Variants in PLA2R1 observed in about 807,000 individuals in gnomAD.
PLA2R1 encodes phospholipase A2 receptor 1, also known as secretory phospholipase A2 receptor.
A neutral mutation model predicts 195.9 loss-of-function variants in PLA2R1; 158 were observed. The ratio of observed to expected loss-of-function variants is 0.81; its 90% confidence interval spans 0.71 to 0.92. PLA2R1 has a LOEUF of 0.92. Among genes scored for constraint, PLA2R1 ranks in the 40% least tolerant of loss-of-function variants. The pLI is 0.00. For synonymous variants in PLA2R1, 586 were observed against 598.2 expected (o/e 0.98, Z 0.30); for missense variants, 1,626 against 1,764.6 (o/e 0.92, Z 1.41).
chr2:160,013,966 G>A (rs1375202510), intron 9 of PLA2R1, among the ~76,000 whole-genome samples: 1 of 152,134 alleles, frequency 6.6e-6, no homozygotes, highest in African/African-American at 2.4e-5. Context: ...AATACAGATA[G>A]AGATTTTAGA....
At position 159,946,898 on chromosome 2, in the gene PLA2R1, G is replaced by A; in HGVS notation, c.3870C>T (p.Ile1290=). The A allele has an allele frequency of 1.2e-6, 2 of 1,607,338 alleles. No homozygotes were observed. Among genetic ancestry groups the A allele is most frequent in the Non-Finnish European group, 1.7e-6 (2 of 1,176,132 alleles). ...CKKEGSNLLT[I]KDEAENAFLL... is the part of the protein sequence containing the mutation. ...GAAATGCATTTTCAGCCTCATCCTT[G>A]ATTGTTAAAAGATTAGAACCTATAA... The change falls in exon 27 of 30, where the codon ATC becomes ATT. Residue 1290 remains isoleucine, a synonymous_variant. Coordinates refer to ENST00000283243, the MANE Select transcript of PLA2R1 (RefSeq NM_007366.5).
At chr2:160,032,248 T>C (rs1693900201) in intron 4 of PLA2R1, among the ~76,000 whole-genome samples, 2 of 152,202 alleles carry the variant, frequency 1.3e-5, no homozygotes, top group Non-Finnish European at 2.9e-5. Context: ...ATGGACTACA[T>C]ATGCAATAAA....
chr2:160,058,066 G>A (rs1201526861), intron 1 of PLA2R1, among the ~76,000 whole-genome samples: 1 of 151,802 alleles, frequency 6.6e-6, no homozygotes, highest in Non-Finnish European at 1.5e-5. Flanking sequence ...TTCCCTCTCT[G>A]GTCTCATGTC....
At chr2:159,989,350 G>A (rs1264272285) in intron 11 of PLA2R1, among the ~76,000 whole-genome samples, 1 of 152,214 alleles carries the variant, frequency 6.6e-6, no homozygotes, top group Non-Finnish European at 1.5e-5. Context: ...CTGAACTGGA[G>A]AAATCCATGT....
intron 10 of PLA2R1, among the ~76,000 whole-genome samples, chr2:160,006,431 A>G (rs147275242): frequency 6.6e-6 from 1 of 152,332 alleles, no homozygotes; most frequent in African/African-American, 2.4e-5. Flanking sequence ...AAAATGTGAA[A>G]GCCTAGGAAC....
At chr2:160,056,434 T>G (rs1322665984) in intron 1 of PLA2R1, among the ~76,000 whole-genome samples, 1 of 152,156 alleles carries the variant, frequency 6.6e-6, no homozygotes, top group East Asian at 1.9e-4. Flanking sequence ...TCTTCTTCAC[T>G]TTGGTGACCA....
chr2:160,045,271 C>A, intron 1 of PLA2R1, 114 bp from the exon 2 acceptor site: 1 of 786,714 alleles, frequency 1.3e-6, no homozygotes, highest in East Asian at 2.6e-5. Context: ...AGCCATTTCC[C>A]ACAGATCTGG....
chr2:160,038,278 A>G (rs1004142699), intron 3 of PLA2R1, among the ~76,000 whole-genome samples: 3 of 152,230 alleles, frequency 2.0e-5, no homozygotes, highest in Non-Finnish European at 4.4e-5. Flanking sequence ...CCAGCAAAGA[A>G]GCACCCAGGG....
intron 1 of PLA2R1, among the ~76,000 whole-genome samples, chr2:160,051,204 G>C (rs1695191373): frequency 6.6e-6 from 1 of 152,210 alleles, no homozygotes; most frequent in African/African-American, 2.4e-5. Context: ...GTCAGTCTCT[G>C]TGCTGCTCCA....
At position 159,940,354 on chromosome 2, in the gene PLA2R1, T is replaced by C. The variant is rs1203302858; in HGVS notation, c.*1424A>G. 2 of 152,240 alleles carry C rather than the reference T, an allele frequency of 1.3e-5. No homozygotes were observed. The highest frequency in any genetic ancestry group is 1.3e-4 in the Admixed American group (2 of 15,282). The allele number at this position is 152,240 out of a possible 1,614,324, so 9.4% of individuals were successfully genotyped here. ...TTAGAAAATAAGTGGCATGAAAAGA[T>C]AGCCCTTACCCCAAGTTGCTCACCT... On this transcript the variant is annotated 3_prime_UTR_variant, in exon 30 of 30. Transcript: ENST00000283243.
At chr2:160,041,482 T>C (rs1309484574) in intron 3 of PLA2R1, among the ~76,000 whole-genome samples, 2 of 152,164 alleles carry the variant, frequency 1.3e-5, no homozygotes, top group Non-Finnish European at 2.9e-5. Flanking sequence ...AATGAGGTTA[T>C]AGCCAGAAGG....
At chr2:160,004,105 A>G (rs945886093) in intron 11 of PLA2R1, among the ~76,000 whole-genome samples, 2 of 152,232 alleles carry the variant, frequency 1.3e-5, no homozygotes, top group African/African-American at 4.8e-5. Context: ...AAATGTATTG[A>G]TGTTGGGAAG....
chr2:159,963,170 T>C (rs1226043834), intron 20 of PLA2R1, among the ~76,000 whole-genome samples: 1 of 152,206 alleles, frequency 6.6e-6, no homozygotes, highest in East Asian at 1.9e-4. Context: ...GCCTGTTCCC[T>C]AGAGACCATG....
chr2:159,986,934 C>G (rs908131271), intron 12 of PLA2R1, among the ~76,000 whole-genome samples: 1 of 152,208 alleles, frequency 6.6e-6, no homozygotes, highest in Admixed American at 6.5e-5. Context: ...CATGAGGAAG[C>G]CTTCAATATC....
chr2:160,017,431 A>C (rs1411154272), intron 8 of PLA2R1, among the ~76,000 whole-genome samples: 1 of 152,162 alleles, frequency 6.6e-6, no homozygotes, highest in East Asian at 1.9e-4. Context: ...ACCACTTCTA[A>C]GTGTTACATT....
chr2:160,047,567 T>A (rs541311559), intron 1 of PLA2R1, among the ~76,000 whole-genome samples: 1 of 152,356 alleles, frequency 6.6e-6, no homozygotes, highest in South Asian at 2.1e-4. Context: ...TCATCTTTTA[T>A]GGAGGAAAAA....
At chr2:160,029,092 G>A (rs1372325662) in intron 4 of PLA2R1, 129 bp from the exon 5 acceptor site, 8 of 639,864 alleles carry the variant, frequency 1.3e-5, no homozygotes, top group East Asian at 2.8e-5. Context: ...CAGAATGCAC[G>A]TGGTGCTTCT....
chr2:159,932,137 T>C lies in PLA2R1; in HGVS notation c.*9641A>G, dbSNP rs1686618261. ...TCTCCCTTCACTTCACTTGGGACGT[T>C]TAGTATAAGTTGCAGTAGCAATCGC... On this transcript the variant is annotated 3_prime_UTR_variant, in exon 30 of 30. Transcript: ENST00000283243. 6.6e-6 allele frequency: 1 copy of C among 152,246 alleles called. No homozygotes were observed. Among genetic ancestry groups the C allele is most frequent in the African/African-American group, 2.4e-5 (1 of 41,462 alleles). 9.4% of individuals were successfully genotyped at this position (152,246 alleles called of 1,614,324 possible).
the PLA2R1 span, among the ~76,000 whole-genome samples, chr2:159,925,904 A>C: frequency 5.9e-5 from 9 of 152,234 alleles, no homozygotes; most frequent in Non-Finnish European, 1.2e-4. Flanking sequence ...TACATGAAAC[A>C]CTGACAAAAT....
Sources: allele counts gnomAD v4.1 joint callset (sites outside exome capture counted in the v4.1 genomes callset), GRCh38; gene constraint gnomAD v4.1.1; transcripts MANE v1.5; gene names NCBI Gene and HGNC (gene_info 2026-07-23, HGNC 2026-07-21).